The following FAAH2 variants were observed in gnomAD, a reference collection of about 807,000 sequenced individuals.
FAAH2 encodes the protein fatty-acid amide hydrolase 2.
In FAAH2, 60 loss-of-function variants were observed where a neutral mutation model predicts 36.9. The ratio of observed to expected loss-of-function variants is 1.63; its 90% confidence interval spans 1.32 to 2.02. The LOEUF (loss-of-function observed/expected upper bound fraction) is 2.02. Among genes scored for constraint, FAAH2 ranks in the 30% most tolerant of loss-of-function variants. The pLI, the probability that FAAH2 is intolerant of heterozygous loss-of-function variation, is 0.00. For missense variants in FAAH2, 689 were observed against 397.5 expected (o/e 1.73, Z -6.23); for synonymous variants, 214 against 143.8 (o/e 1.49, Z -3.49).
intron 10 of FAAH2, among the ~76,000 whole-genome samples, chrX:57,459,581 C>A (rs1351928983): frequency 8.9e-6 from 1 of 112,048 alleles, no homozygotes; most frequent in Non-Finnish European, 1.9e-5. Flanking sequence ...TTGACAGACA[C>A]CTCATACAGG....
chrX:57,352,475 A>G (rs2054049104), intron 5 of FAAH2, among the ~76,000 whole-genome samples: 1 of 109,982 alleles, frequency 9.1e-6, no homozygotes, highest in Non-Finnish European at 1.9e-5. Flanking sequence ...AAAATAATAA[A>G]GGCCACATAT....
At chrX:57,366,353 G>A in intron 5 of FAAH2, among the ~76,000 whole-genome samples, 1 of 112,208 alleles carries the variant, frequency 8.9e-6, no homozygotes, top group South Asian at 3.7e-4. Flanking sequence ...TCTATCCCTG[G>A]TGAACTGGGA....
At chrX:57,316,828 C>T (rs1440052775) in intron 3 of FAAH2, among the ~76,000 whole-genome samples, 1 of 110,907 alleles carries the variant, frequency 9.0e-6, no homozygotes, top group Non-Finnish European at 1.9e-5. Context: ...CCCCCACCGC[C>T]TCCAAAAAAA....
the FAAH2 span, among the ~76,000 whole-genome samples, chrX:57,206,914 A>T: frequency 1.8e-5 from 2 of 111,610 alleles, no homozygotes; most frequent in African/African-American, 6.5e-5. Context: ...CCTTTTTCTA[A>T]TTGTTCAGTA....
chrX:57,479,905 C>T lies in FAAH2; in HGVS notation c.1424-8852C>T, dbSNP rs751555757. Among the ~76,000 whole-genome samples, 15 of 111,158 alleles carry T rather than the reference C, an allele frequency of 1.3e-4. No homozygotes were observed. The South Asian group carries it at 1.5e-3, about 11-fold the overall frequency. ...AGAAAAGAGAGAAGAATCAAATAGA[C>T]GCAATAAAAAATGATAAAGGAGATA... On this transcript the variant is annotated intron_variant, in intron 10 of 10. Coordinates refer to ENST00000374900, the MANE Select transcript of FAAH2 (RefSeq NM_174912.4).
At chrX:57,482,490 G>A (rs914605681) in intron 10 of FAAH2, among the ~76,000 whole-genome samples, 2 of 110,562 alleles carry the variant, frequency 1.8e-5, no homozygotes, top group Non-Finnish European at 3.8e-5. Flanking sequence ...GGCTGGGAGA[G>A]GGAGGTCCCC....
At chrX:57,203,721 A>T in the FAAH2 span, among the ~76,000 whole-genome samples, 1 of 112,209 alleles carries the variant, frequency 8.9e-6, no homozygotes, top group African/African-American at 3.2e-5. Flanking sequence ...CTGCTAATCC[A>T]TCTGCAGCTC....
At chrX:57,466,128 ATCTCTC>A (rs66516710) in intron 10 of FAAH2, among the ~76,000 whole-genome samples, 1,327 of 70,769 alleles carry the variant, frequency 0.019, 14 homozygotes, top group Middle Eastern at 0.059. Flanking sequence ...TTGTTGGATT[ATCTCTC>A]TCTCTCTCTC....
the FAAH2 span, among the ~76,000 whole-genome samples, chrX:57,148,065 T>G: frequency 9.0e-6 from 1 of 111,611 alleles, no homozygotes; most frequent in African/African-American, 3.3e-5. Flanking sequence ...AAAGATCAGA[T>G]AGTTGTAGAT....
chrX:57,365,585 A>G (rs1166073231), intron 5 of FAAH2, among the ~76,000 whole-genome samples: 2 of 111,501 alleles, frequency 1.8e-5, no homozygotes, highest in Non-Finnish European at 3.8e-5. Context: ...TGCGTTTCCT[A>G]TATTTGCATG....
intron 5 of FAAH2, among the ~76,000 whole-genome samples, chrX:57,355,609 T>C (rs1339080445): frequency 1.8e-5 from 2 of 110,866 alleles, no homozygotes; most frequent in Non-Finnish European, 3.8e-5. Flanking sequence ...TATTAGTTCA[T>C]TGAAGTGTAA....
the FAAH2 span, chrX:57,137,309 G>T: frequency 1.3e-6 from 1 of 759,459 alleles, no homozygotes; most frequent in Admixed American, 7.6e-5. Flanking sequence ...GTCAACAGGC[G>T]ACTCGCTGAG....
At chrX:57,164,658 A>C in the FAAH2 span, among the ~76,000 whole-genome samples, 1 of 112,667 alleles carries the variant, frequency 8.9e-6, no homozygotes, top group Admixed American at 9.4e-5. Context: ...AATAATTTAG[A>C]AATAAACAAG....
intron 5 of FAAH2, among the ~76,000 whole-genome samples, chrX:57,349,470 CATATATACACAT>C (rs1356326926): frequency 2.1e-5 from 2 of 95,600 alleles, no homozygotes; most frequent in Admixed American, 1.2e-4. Flanking sequence ...TACATACATG[CATATATACACAT>C]ATATATACAC....
intron 7 of FAAH2, chrX:57,393,895 T>C: frequency 9.6e-7 from 1 of 1,046,051 alleles, no homozygotes; most frequent in Non-Finnish European, 1.3e-6. Context: ...ATCTTGCAAA[T>C]CTGTTTATCT....
At chrX:57,147,193 A>G in the FAAH2 span, among the ~76,000 whole-genome samples, 15 of 111,179 alleles carry the variant, frequency 1.3e-4, no homozygotes, top group Non-Finnish European at 2.7e-4. Context: ...CCCATCCTGA[A>G]CTTTTTTTCT....
chrX:57,198,168 G>A, the FAAH2 span, among the ~76,000 whole-genome samples: 1 of 111,338 alleles, frequency 9.0e-6, no homozygotes, highest in African/African-American at 3.3e-5. Flanking sequence ...TGCTACCAGG[G>A]CAGCTAGGAA....
intron 2 of FAAH2, among the ~76,000 whole-genome samples, chrX:57,296,221 C>T (rs1340128320): frequency 9.0e-6 from 1 of 111,559 alleles, no homozygotes; most frequent in Non-Finnish European, 1.9e-5. Context: ...CAGACTGACA[C>T]CTCACATTGC....
At chrX:57,262,178 A>C in the FAAH2 span, among the ~76,000 whole-genome samples, 1 of 111,684 alleles carries the variant, frequency 9.0e-6, no homozygotes, top group Admixed American at 9.6e-5. Flanking sequence ...AGAAGGTGGC[A>C]GACCAGCTCG....
Sources: gnomAD v4.1 joint callset for allele counts (sites outside exome capture counted in the v4.1 genomes callset) on GRCh38, gnomAD v4.1.1 for gene constraint, MANE v1.5 for transcripts, NCBI Gene and HGNC (gene_info 2026-07-23, HGNC 2026-07-21) for gene names.